GAB2: variants seen among roughly 807,000 people sequenced by gnomAD.
The protein encoded by GAB2 is GRB2 associated binding protein 2.
In GAB2, 26 loss-of-function variants were observed where a neutral mutation model predicts 65.5. That is an observed-to-expected ratio of 0.40 (90% CI 0.29 to 0.55). GAB2 has a LOEUF of 0.55. Ranked by LOEUF, GAB2 falls within the 20% of genes least tolerant of loss-of-function variation. GAB2 has a pLI of 0.53. For synonymous variants in GAB2, 321 were observed against 329.6 expected (o/e 0.97, Z 0.28); for missense variants, 884 against 875.8 (o/e 1.01, Z -0.12).
intron 4 of GAB2, among the ~76,000 whole-genome samples, chr11:78,226,127 T>C (rs574730475): frequency 6.6e-6 from 1 of 152,384 alleles, no homozygotes; most frequent in South Asian, 2.1e-4. Context: ...ATTTTTTAAA[T>C]CTTTGATTTG....
At chr11:78,270,029 T>C (rs1298124133) in intron 2 of GAB2, among the ~76,000 whole-genome samples, 2 of 152,202 alleles carry the variant, frequency 1.3e-5, no homozygotes, top group African/African-American at 2.4e-5. Context: ...GATCATGTTA[T>C]CTTGCTAGTT....
intron 1 of GAB2, among the ~76,000 whole-genome samples, chr11:78,326,418 G>T (rs987143036): frequency 3.9e-5 from 6 of 152,142 alleles, no homozygotes; most frequent in Admixed American, 2.6e-4. Context: ...AAAAGGAAAT[G>T]ACATACAGTG....
At chr11:78,331,040 T>G (rs1400170444) in intron 1 of GAB2, among the ~76,000 whole-genome samples, 1 of 151,914 alleles carries the variant, frequency 6.6e-6, no homozygotes, top group East Asian at 2.0e-4. Flanking sequence ...CAGGGCATGG[T>G]GGTGGGCACC....
chr11:78,246,795 G>A (rs1050743073), intron 3 of GAB2, among the ~76,000 whole-genome samples: 9 of 152,130 alleles, frequency 5.9e-5, no homozygotes, highest in African/African-American at 1.7e-4. Flanking sequence ...CACCGCACCC[G>A]GCCGAGAAGT....
At chr11:78,255,536 C>T (rs1464277687) in intron 2 of GAB2, among the ~76,000 whole-genome samples, 5 of 152,226 alleles carry the variant, frequency 3.3e-5, no homozygotes, top group African/African-American at 9.6e-5. Context: ...ACCCCTGCTA[C>T]TTCTTCCTCC....
rs759904123 is a variant in GAB2, at chr11:78,226,989, TG to T, written c.682del (p.Gln228LysfsTer84). 6.2e-7 allele frequency: 1 copy of T among 1,613,826 alleles called. No homozygotes were observed. The highest frequency in any genetic ancestry group is 8.5e-7 in the Non-Finnish European group (1 of 1,179,908). On this transcript the variant is annotated frameshift_variant, in exon 4 of 10. Coordinates refer to ENST00000361507, the MANE Select transcript of GAB2 (RefSeq NM_080491.3). LOFTEE classifies it high-confidence loss of function. ...SFLMRSDTAV[Q>X]KLAQGNGHCV... is the part of the protein sequence containing the mutation. ...GTGTCCATTGCCCTGGGCAAGTTTT[TG>T]TACAGCTGTGTCACTCCTCATGAGA... is the stretch of plus-strand genomic sequence containing the variant.
intron 1 of GAB2, among the ~76,000 whole-genome samples, chr11:78,338,423 G>A (rs1036948039): frequency 1.3e-5 from 2 of 152,152 alleles, no homozygotes; most frequent in Non-Finnish European, 2.9e-5. Context: ...GAAGACAGAA[G>A]AAGCATGCTT....
chr11:78,405,445 T>C (rs1336877455), intron 1 of GAB2, among the ~76,000 whole-genome samples: 1 of 152,196 alleles, frequency 6.6e-6, no homozygotes, highest in South Asian at 2.1e-4. Context: ...GTCCTGGGTC[T>C]GCTACTTACT....
chr11:78,410,007 T>C (rs890459318), intron 1 of GAB2, among the ~76,000 whole-genome samples: 7 of 151,942 alleles, frequency 4.6e-5, no homozygotes, highest in South Asian at 4.1e-4. Flanking sequence ...AACTAAACAA[T>C]GTACTTGTAA....
intron 1 of GAB2, among the ~76,000 whole-genome samples, chr11:78,308,989 A>G (rs1391381294): frequency 6.6e-6 from 1 of 152,216 alleles, no homozygotes; most frequent in Admixed American, 6.5e-5. Flanking sequence ...ACAGGAAGAG[A>G]AATTAACAGC....
chr11:78,228,386 G>C (rs1352366495), intron 3 of GAB2, among the ~76,000 whole-genome samples: 1 of 152,188 alleles, frequency 6.6e-6, no homozygotes, highest in African/African-American at 2.4e-5. Context: ...GAGGCTATAG[G>C]AGTTTTTAAG....
chr11:78,318,386 A>AAAAAAAAAAAAAAAAAAAAAAAAAT (rs1855657644), intron 1 of GAB2, among the ~76,000 whole-genome samples: 5 of 146,698 alleles, frequency 3.4e-5, no homozygotes, highest in Admixed American at 6.9e-5. Context: ...AAAAAAAAAA[A>AAAAAAAAAAAAAAAAAAAAAAAAAT]GCTGTGAAAA....
At chr11:78,267,708 A>G (rs10899450) in intron 2 of GAB2, among the ~76,000 whole-genome samples, 23,645 of 151,464 alleles carry the variant, frequency 0.16, 2,377 homozygotes, top group East Asian at 0.4. Flanking sequence ...AATACAAAAA[A>G]TTAGCCGGGT....
intron 1 of GAB2, among the ~76,000 whole-genome samples, chr11:78,327,894 A>G (rs1855851559): frequency 6.6e-6 from 1 of 152,204 alleles, no homozygotes; most frequent in African/African-American, 2.4e-5. Context: ...GAAGAAGTGG[A>G]TGTTAAAGAC....
rs771170007 is a variant in GAB2 at position 78,280,767 on chromosome 11, A to T, written c.210T>A (p.Asp70Glu). 4.3e-6 allele frequency: 7 copies of T among 1,614,232 alleles called. No homozygotes were observed. The South Asian group carries it at 7.7e-5, about 18-fold the overall frequency. The change falls in exon 2 of 10, where the codon GAT (aspartate) becomes GAA (glutamate). Residue 70 changes from aspartate to glutamate, a missense_variant. Coordinates refer to ENST00000361507, the MANE Select transcript of GAB2 (RefSeq NM_080491.3). ...IINLNFCEQVDAGLTFNKKEL... is the reference protein window; with the variant it reads ...IINLNFCEQVEAGLTFNKKEL... ...CCTTCTTGTTAAAGGTCAGGCCTGC[A>T]TCTACCTGCTCACAGAAGTTCAGGT...
In GAB2 at chr11:78,216,230, G is replaced by C. The variant is rs11543007; in HGVS notation, c.*3042C>G. ...CATCGTTCTCACTTGACTTAACCTT[G>C]CAGAAGTGGAGCTGGAAGTGGGTGA... On this transcript the variant is annotated 3_prime_UTR_variant, in exon 10 of 10. Transcript: ENST00000361507. 1.3e-5 allele frequency: 2 copies of C among 152,402 alleles called. No homozygotes were observed. Among genetic ancestry groups the C allele is most frequent in the African/African-American group, 4.8e-5 (2 of 41,438 alleles). 9.4% of individuals were successfully genotyped at this position (152,402 alleles called of 1,614,324 possible).
In GAB2 at chr11:78,395,718, C is replaced by T. The variant is rs371719655; in HGVS notation, c.75+21928G>A. ...TTGTTCATGTTTGCACCCCTCTAAGCGAAAACTATTCAATTAACAGGCTAA... is the reference window on the plus strand; with the variant it reads ...TTGTTCATGTTTGCACCCCTCTAAGTGAAAACTATTCAATTAACAGGCTAA... On this transcript the variant is annotated intron_variant, in intron 1 of 9. Transcript: ENST00000361507. 1.1e-3 allele frequency among the ~76,000 whole-genome samples: 162 copies of T among 152,182 alleles called. 1 individual carries two copies. The highest frequency in any genetic ancestry group is 1.7e-3 in the Non-Finnish European group (118 of 68,000).
At chr11:78,237,987 T>TGG (rs1025731593) in intron 3 of GAB2, among the ~76,000 whole-genome samples, 92 of 152,172 alleles carry the variant, frequency 6.0e-4, no homozygotes, top group African/African-American at 2.0e-3. Flanking sequence ...TGAGAACACA[T>TGG]GGACACCTGG....
intron 2 of GAB2, among the ~76,000 whole-genome samples, chr11:78,266,080 T>G (rs1293414609): frequency 6.6e-6 from 1 of 151,664 alleles, no homozygotes; most frequent in African/African-American, 2.4e-5. Context: ...CCGGGTGTGG[T>G]GGCGCATGCT....
Sources: gnomAD v4.1 joint callset for allele counts (sites outside exome capture counted in the v4.1 genomes callset) on GRCh38, gnomAD v4.1.1 for gene constraint, MANE v1.5 for transcripts, NCBI Gene and HGNC (gene_info 2026-07-23, HGNC 2026-07-21) for gene names.